The following C17orf114 variants were observed in gnomAD, a reference collection of about 807,000 sequenced individuals.
C17orf114 encodes the protein chromosome 17 open reading frame 114, also known as uncharacterized protein C17orf114.
chr17:4,805,661 C>T (rs1223562496), upstream of C17orf114, among the ~76,000 whole-genome samples: 1 of 124,356 alleles, frequency 8.0e-6, no homozygotes, highest in East Asian at 2.5e-4. Context: ...GCAACAAGAG[C>T]GAGACTCTGG....
upstream of C17orf114, among the ~76,000 whole-genome samples, chr17:4,804,461 C>T (rs12604018): frequency 0.12 from 18,982 of 151,910 alleles, 1,770 homozygotes; most frequent in East Asian, 0.47. Flanking sequence ...TCCTCAGCCT[C>T]GCAAAGTGCT....
upstream of C17orf114, among the ~76,000 whole-genome samples, chr17:4,804,408 G>A (rs1597313237): frequency 1.3e-5 from 2 of 151,768 alleles, no homozygotes; most frequent in East Asian, 3.9e-4. Flanking sequence ...GTTTCCCTGT[G>A]TTAGCCAGGA....
upstream of C17orf114, among the ~76,000 whole-genome samples, chr17:4,804,006 G>A (rs1905578521): frequency 1.3e-5 from 2 of 151,968 alleles, no homozygotes. Context: ...ACAGGCATCA[G>A]CCACCACACC....
At chr17:4,804,362 G>A (rs567863794), upstream of C17orf114, among the ~76,000 whole-genome samples, 1 of 151,862 alleles carries the variant, frequency 6.6e-6, no homozygotes, top group East Asian at 1.9e-4. Flanking sequence ...CCGCCACCAC[G>A]CCTGGCTAAT....
chr17:4,805,795 CA>C (rs936805397), upstream of C17orf114, among the ~76,000 whole-genome samples: 3 of 151,434 alleles, frequency 2.0e-5, no homozygotes, highest in Non-Finnish European at 4.4e-5. Flanking sequence ...ACTAAAAATA[CA>C]AAAAAAATTA....
In C17orf114 at chr17:4,802,245, A is replaced by G. The variant is rs1597312452; in HGVS notation, c.73+2T>C. 1 of 399,382 alleles carries G rather than the reference A, an allele frequency of 2.5e-6. No individual in the cohort carries two copies. The highest frequency in any genetic ancestry group is 4.4e-6 in the Non-Finnish European group (1 of 226,340). 24.7% of individuals were successfully genotyped at this position (399,382 alleles called of 1,614,324 possible). On this transcript the variant is annotated splice_donor_variant, in intron 1 of 1. Coordinates refer to ENST00000635921, the Ensembl canonical transcript of C17orf114. LOFTEE classifies it high-confidence loss of function. ...CCGCTTTACCCTCAGTCTACTCCAT[A>G]CCTGCTCCTCTTTCAGTCCCCCGCT...
upstream of C17orf114, among the ~76,000 whole-genome samples, chr17:4,802,961 A>C (rs1905548258): frequency 6.6e-6 from 1 of 152,130 alleles, no homozygotes; most frequent in South Asian, 2.1e-4. Context: ...TCTCTCGCCC[A>C]GGGTGGAGTG....
chr17:4,803,678 G>A (rs184811877), upstream of C17orf114, among the ~76,000 whole-genome samples: 380 of 151,370 alleles, frequency 2.5e-3, no homozygotes, highest in African/African-American at 8.4e-3. Context: ...CGGCCACCTC[G>A]GCCTCCCAAA....
chr17:4,805,685 CT>C (rs2150664159), upstream of C17orf114, among the ~76,000 whole-genome samples: 1 of 150,210 alleles, frequency 6.7e-6, no homozygotes, highest in Non-Finnish European at 1.5e-5. Context: ...GGCGCGGTGG[CT>C]CACGCCTGTA....
chr17:4,805,671 G>A (rs1215034854), upstream of C17orf114, among the ~76,000 whole-genome samples: 1 of 147,760 alleles, frequency 6.8e-6, no homozygotes, highest in East Asian at 2.1e-4. Flanking sequence ...CGAGACTCTG[G>A]CCGGGCGCGG....
intron 1 of C17orf114, among the ~76,000 whole-genome samples, chr17:4,801,711 G>A (rs1411967959): frequency 1.3e-5 from 2 of 151,948 alleles, no homozygotes; most frequent in East Asian, 3.9e-4. Flanking sequence ...ATAGGTCTCT[G>A]CTGTCACCAT....
chr17:4,801,203 G>C (rs189863676), exon 2 of C17orf114: 2 of 398,172 alleles, frequency 5.0e-6, no homozygotes, highest in Non-Finnish European at 8.9e-6. Flanking sequence ...GAAAGGACTT[G>C]GGGAGGTGGA....
At chr17:4,803,724 C>A (rs1427993198), upstream of C17orf114, among the ~76,000 whole-genome samples, 1 of 151,688 alleles carries the variant, frequency 6.6e-6, no homozygotes, top group African/African-American at 2.4e-5. Flanking sequence ...CAGCACCCGG[C>A]CTTTTTTTAA....
chr17:4,802,011 G>A (rs2150662270), intron 1 of C17orf114, among the ~76,000 whole-genome samples: 1 of 152,202 alleles, frequency 6.6e-6, no homozygotes, highest in East Asian at 1.9e-4. Flanking sequence ...TTACAGGCAT[G>A]AGCCACCGTA....
intron 1 of C17orf114, among the ~76,000 whole-genome samples, chr17:4,801,941 G>T (rs374165124): frequency 6.6e-6 from 1 of 152,012 alleles, no homozygotes; most frequent in Non-Finnish European, 1.5e-5. Flanking sequence ...GTGTTAGCCA[G>T]GATGGTCTCC....
chr17:4,801,510 C>T, intron 1 of C17orf114, 55 bp from the exon 2 acceptor site: 1 of 398,132 alleles, frequency 2.5e-6, no homozygotes, highest in Non-Finnish European at 4.4e-6. Flanking sequence ...TCCTCCCTCA[C>T]CCCCAACCCA....
upstream of C17orf114, among the ~76,000 whole-genome samples, chr17:4,803,248 T>TGGTTA (rs1489500976): frequency 6.6e-6 from 1 of 151,222 alleles, no homozygotes; most frequent in Non-Finnish European, 1.5e-5. Context: ...AGTCCCTCAC[T>TGGTTA]GGTTAGGTGA....
upstream of C17orf114, chr17:4,802,446 C>T (rs147260600): frequency 2.5e-3 from 992 of 395,934 alleles, 4 homozygotes; most frequent in Non-Finnish European, 2.7e-3. Flanking sequence ...TGATTACAGG[C>T]GCCAGGGATG....
At chr17:4,801,967 G>A (rs1359568134) in intron 1 of C17orf114, among the ~76,000 whole-genome samples, 1 of 152,066 alleles carries the variant, frequency 6.6e-6, no homozygotes, top group Non-Finnish European at 1.5e-5. Flanking sequence ...CTGACCTCGT[G>A]ATCTACCCAC....
Sources: allele counts gnomAD v4.1 joint callset (sites outside exome capture counted in the v4.1 genomes callset), GRCh38; gene constraint gnomAD v4.1.1; transcripts MANE v1.5; gene names NCBI Gene and HGNC (gene_info 2026-07-23, HGNC 2026-07-21).